The following TEAD4 variants were observed in gnomAD, a reference collection of about 807,000 sequenced individuals.
TEAD4 encodes the protein transcriptional enhancer factor TEF-3.
A neutral mutation model predicts 52.4 loss-of-function variants in TEAD4; 36 were observed. The observed-to-expected ratio is 0.69, with a 90% CI of 0.53 to 0.91. The LOEUF is 0.91. Ranked by LOEUF, TEAD4 falls within the 40% of genes least tolerant of loss-of-function variation. TEAD4 has a pLI of 0.00. For synonymous variants in TEAD4, 220 were observed against 231.0 expected, an observed-to-expected ratio of 0.95 and a Z score of 0.43; for missense variants, 508 against 583.9, an observed-to-expected ratio of 0.87 and a Z score of 1.34.
chr12:2,981,505 C>G (rs2098234083), intron 2 of TEAD4, among the ~76,000 whole-genome samples: 1 of 152,160 alleles, frequency 6.6e-6, no homozygotes, highest in Non-Finnish European at 1.5e-5. Context: ...CTCACTGCAC[C>G]CGCTTGTGCC....
At chr12:2,992,774 G>T (rs1294469685) in intron 2 of TEAD4, among the ~76,000 whole-genome samples, 2 of 152,080 alleles carry the variant, frequency 1.3e-5, no homozygotes. Context: ...TGCGAGGGCT[G>T]TGGGAGGTAC....
chr12:3,040,547 G>T lies in TEAD4; in HGVS notation c.*69G>T. The T allele has an allele frequency of 7.2e-7, 1 of 1,390,936 alleles. No individual in the cohort carries two copies. The highest frequency in any genetic ancestry group is 1.9e-5 in the Admixed American group (1 of 53,934). 86.2% of individuals were successfully genotyped at this position (1,390,936 alleles called of 1,614,324 possible). ...AAACGGGGACGTGGGGAGGGGACCT[G>T]CAGGGGCAGCCCCCTGAAGTGCCAA... On this transcript the variant is annotated 3_prime_UTR_variant, in exon 13 of 13. Coordinates refer to ENST00000359864, the MANE Select transcript of TEAD4 (RefSeq NM_003213.4).
At position 2,994,177 on chromosome 12, in the gene TEAD4, C is replaced by T. The variant is rs926330848; in HGVS notation, c.-29-561C>T. ...GCAACCTCTGCTTCTCGGATTCAAG[C>T]GATTCTCCTTGTCTGAGCCTCCCGA... On this transcript the variant is annotated intron_variant, in intron 2 of 12. Transcript: ENST00000359864. This position sits in a 1 kb window ranked among gnomAD's most constrained non-coding sequence, Gnocchi z 4.7. 2.6e-5 allele frequency among the ~76,000 whole-genome samples: 4 copies of T among 152,094 alleles called. No individual in the cohort carries two copies. The highest frequency in any genetic ancestry group is 6.5e-5 in the Admixed American group (1 of 15,278).
In TEAD4 at chr12:3,021,810, T is replaced by G. The variant is rs199567282; in HGVS notation, c.724-34T>G. 3.1e-6 allele frequency: 5 copies of G among 1,605,166 alleles called. No individual in the cohort carries two copies. In the Admixed American group the frequency reaches 8.4e-5, roughly 27 times the overall value. Reference sequence around the variant, plus strand: ...GTTGTCTGTCTGACCGTCTGGCCTGTGCTCCGTCTCCCTCAGACCCACTCT... The same window carrying G: ...GTTGTCTGTCTGACCGTCTGGCCTGGGCTCCGTCTCCCTCAGACCCACTCT... On this transcript the variant is annotated intron_variant, in intron 9 of 12. Transcript: ENST00000359864.
chr12:3,009,207 C>G (rs912678054), intron 3 of TEAD4, among the ~76,000 whole-genome samples: 1 of 152,204 alleles, frequency 6.6e-6, no homozygotes, highest in Non-Finnish European at 1.5e-5. Context: ...GCGGGTGGAT[C>G]ACTTGAGGTC....
At chr12:3,035,483 A>G (rs775321901) in intron 10 of TEAD4, among the ~76,000 whole-genome samples, 5 of 152,236 alleles carry the variant, frequency 3.3e-5, no homozygotes, top group Admixed American at 6.5e-5. Flanking sequence ...TTTTAGGAAC[A>G]GTCTGACAAA....
At chr12:3,009,081 T>G (rs183663275) in intron 3 of TEAD4, among the ~76,000 whole-genome samples, 1 of 152,202 alleles carries the variant, frequency 6.6e-6, no homozygotes, top group African/African-American at 2.4e-5. Context: ...TTCCTACATC[T>G]GTAGAAATTT....
intron 2 of TEAD4, among the ~76,000 whole-genome samples, chr12:2,962,775 C>G (rs2098216857): frequency 6.6e-6 from 1 of 152,158 alleles, no homozygotes; most frequent in South Asian, 2.1e-4. Context: ...CTAAGTCTCC[C>G]ATTTTAAAGA....
At chr12:3,024,196 T>C (rs1195554495) in intron 10 of TEAD4, among the ~76,000 whole-genome samples, 4 of 152,038 alleles carry the variant, frequency 2.6e-5, no homozygotes, top group African/African-American at 9.6e-5. Flanking sequence ...TGCCTCAGCC[T>C]CCCGAGTAGC....
rs554337726 is a variant in TEAD4 at position 3,017,424 on chromosome 12, G to A, written c.381G>A (p.Leu127=). ...ACCAGGCAGCTAAGGACAAGGCCCT[G>A]CAGAGCATGGCTGCCATGTCGTCTG... Residue 127 remains leucine, a synonymous_variant, in exon 6 of 13, where the codon CTG becomes CTA. Transcript: ENST00000359864. The A allele has an allele frequency of 1.2e-5, 19 of 1,614,152 alleles. No individual in the cohort carries two copies. The East Asian group carries it at 3.6e-4, about 30-fold the overall frequency.
At chr12:3,019,043 C>T (rs1306676840) in intron 7 of TEAD4, 72 bp from the exon 8 acceptor site, 14 of 1,577,700 alleles carry the variant, frequency 8.9e-6, no homozygotes, top group African/African-American at 1.3e-5. Flanking sequence ...ACACAGACCA[C>T]TGGACCCAGT....
chr12:2,966,143 G>A (rs1305102839), intron 2 of TEAD4, among the ~76,000 whole-genome samples: 2 of 152,188 alleles, frequency 1.3e-5, no homozygotes, highest in Non-Finnish European at 2.9e-5. Context: ...CTTGGGTGGA[G>A]GAATGTTCAG....
chr12:3,013,683 A>G (rs1387691290), intron 5 of TEAD4, among the ~76,000 whole-genome samples: 1 of 152,116 alleles, frequency 6.6e-6, no homozygotes, highest in East Asian at 1.9e-4. Context: ...GCAGTGAGCC[A>G]AGATAGTGCC....
chr12:2,969,226 C>G lies in TEAD4; in HGVS notation c.-30+9186C>G, dbSNP rs932311174. On this transcript the variant is annotated intron_variant, in intron 2 of 12. Transcript: ENST00000359864. ...TTCCAGAAAGCAAAACTTGAATTTGCTGCTCACTGAATGCTGCATTGAATC... is the reference window on the plus strand; with the variant it reads ...TTCCAGAAAGCAAAACTTGAATTTGGTGCTCACTGAATGCTGCATTGAATC... Among the ~76,000 whole-genome samples, 3 of 152,226 alleles carry G rather than the reference C, an allele frequency of 2.0e-5. No homozygotes were observed. In the South Asian group the frequency reaches 6.2e-4, roughly 32 times the overall value.
chr12:2,967,805 G>A (rs2098221639), intron 2 of TEAD4, among the ~76,000 whole-genome samples: 1 of 152,096 alleles, frequency 6.6e-6, no homozygotes, highest in South Asian at 2.1e-4. Context: ...TTTACAGAGG[G>A]GACACTGTAG....
intron 10 of TEAD4, 134 bp from the exon 11 acceptor site, chr12:3,037,834 C>A: frequency 9.6e-7 from 1 of 1,041,902 alleles, no homozygotes; most frequent in Non-Finnish European, 1.3e-6. Context: ...AGCTTTCTGG[C>A]GTCCTACTGT....
chr12:2,962,959 C>T (rs183140108), intron 2 of TEAD4, among the ~76,000 whole-genome samples: 5 of 152,146 alleles, frequency 3.3e-5, no homozygotes, highest in South Asian at 2.1e-4. Flanking sequence ...CCAACAGGCG[C>T]GGAAGCTGGA....
intron 2 of TEAD4, among the ~76,000 whole-genome samples, chr12:2,986,396 G>C (rs565141486): frequency 2.0e-5 from 3 of 152,126 alleles, no homozygotes; most frequent in East Asian, 3.9e-4. Context: ...CCAGTCCTTT[G>C]GGAGGTTGAG....
intron 2 of TEAD4, among the ~76,000 whole-genome samples, chr12:2,992,862 A>G (rs2098244280): frequency 6.6e-6 from 1 of 152,126 alleles, no homozygotes; most frequent in East Asian, 1.9e-4. Context: ...CAAACCCCTG[A>G]GAACTATGTT....
Sources: gnomAD v4.1 joint callset for allele counts (sites outside exome capture counted in the v4.1 genomes callset) on GRCh38, gnomAD v4.1.1 for gene constraint, Gnocchi (gnomAD v3.1) non-coding constraint, MANE v1.5 for transcripts, NCBI Gene and HGNC (gene_info 2026-07-23, HGNC 2026-07-21) for gene names.